RAB7A: variants seen among roughly 807,000 people sequenced by gnomAD.
RAB7A encodes RAB7A, member RAS oncogene family.
Under a neutral mutation model 24.5 loss-of-function variants are expected in RAB7A, and 2 were observed. That is an observed-to-expected ratio of 0.08 (90% CI 0.03 to 0.26). The LOEUF is 0.26. Ranked by LOEUF, RAB7A falls within the 10% of genes least tolerant of loss-of-function variation. RAB7A has a pLI of 1.00. For synonymous variants in RAB7A, 100 were observed against 95.9 expected, an observed-to-expected ratio of 1.04 and a Z score of -0.25; for missense variants, 118 against 255.7, an observed-to-expected ratio of 0.46 and a Z score of 3.67.
At chr3:128,777,594 C>G (rs1933125958) in intron 1 of RAB7A, among the ~76,000 whole-genome samples, 1 of 152,210 alleles carries the variant, frequency 6.6e-6, no homozygotes, top group Non-Finnish European at 1.5e-5. Flanking sequence ...ACTAAACTAT[C>G]ACTAGCAGAT....
intron 1 of RAB7A, chr3:128,764,698 A>G (rs763360556): frequency 1.2e-6 from 1 of 818,504 alleles, no homozygotes; most frequent in Non-Finnish European, 2.1e-6. Flanking sequence ...ATTTTTTTCC[A>G]AATGTGATGC....
intron 1 of RAB7A, chr3:128,764,879 C>T (rs1320322324): frequency 5.9e-6 from 8 of 1,365,584 alleles, no homozygotes; most frequent in Non-Finnish European, 8.3e-6. Context: ...CTCAAAGCCA[C>T]ATCATCGCGG....
intron 1 of RAB7A, among the ~76,000 whole-genome samples, chr3:128,784,583 C>G (rs998271857): frequency 6.6e-6 from 1 of 152,186 alleles, no homozygotes; most frequent in African/African-American, 2.4e-5. Context: ...GTTTTGGGAC[C>G]TTAGTACGGC....
At chr3:128,745,920 C>A (rs1252309433) in intron 1 of RAB7A, among the ~76,000 whole-genome samples, 1 of 152,260 alleles carries the variant, frequency 6.6e-6, no homozygotes, top group Non-Finnish European at 1.5e-5. Context: ...GCTGGTCACA[C>A]AGCAATGTGG....
intron 2 of RAB7A, among the ~76,000 whole-genome samples, chr3:128,796,174 T>C (rs1032969993): frequency 6.6e-6 from 1 of 152,180 alleles, no homozygotes; most frequent in African/African-American, 2.4e-5. Context: ...ACTAACCATG[T>C]AGCTAACTCT....
At chr3:128,809,936 C>CTTTTTTTTTTTTTTTTGTTTT (rs1933887671) in intron 5 of RAB7A, among the ~76,000 whole-genome samples, 1 of 52,216 alleles carries the variant, frequency 1.9e-5, no homozygotes, top group Non-Finnish European at 3.4e-5. Context: ...TTGCCACAGT[C>CTTTTTTTTTTTTTTTTGTTTT]TTTTTTTTTT....
intron 1 of RAB7A, among the ~76,000 whole-genome samples, chr3:128,745,642 C>T (rs567544208): frequency 7.9e-5 from 12 of 152,132 alleles, no homozygotes; most frequent in Non-Finnish European, 1.3e-4. Flanking sequence ...CTGGGATTAC[C>T]GGCCTGAGCC....
At chr3:128,786,823 T>C (rs1933352553) in intron 1 of RAB7A, among the ~76,000 whole-genome samples, 1 of 152,226 alleles carries the variant, frequency 6.6e-6, no homozygotes. Context: ...CAGATTATGC[T>C]GACAGAGTGT....
At chr3:128,764,852 A>G (rs141397096) in intron 1 of RAB7A, 2 of 1,138,594 alleles carry the variant, frequency 1.8e-6, no homozygotes, top group Admixed American at 1.7e-5. Context: ...TGGTGAAGAA[A>G]GTATGTGGCA....
intron 1 of RAB7A, among the ~76,000 whole-genome samples, chr3:128,747,074 A>G (rs79062303): frequency 0.012 from 1,841 of 151,618 alleles, 25 homozygotes; most frequent in Non-Finnish European, 0.02. Flanking sequence ...TGGGAGGCCG[A>G]AGGGCAAAGA....
chr3:128,798,840 A>G, intron 3 of RAB7A: 1 of 259,030 alleles, frequency 3.9e-6, no homozygotes, highest in Non-Finnish European at 7.4e-6. Context: ...AAAAAAAAAA[A>G]AAAAAGAATC....
intron 5 of RAB7A, among the ~76,000 whole-genome samples, chr3:128,812,191 T>G (rs1249461557): frequency 1.3e-5 from 2 of 152,234 alleles, no homozygotes; most frequent in Admixed American, 1.3e-4. Flanking sequence ...CTTGGCTCAC[T>G]GCAACCTTGA....
chr3:128,807,566 C>G lies in RAB7A; in HGVS notation c.423C>G (p.Ala141=), dbSNP rs61758751. The G allele has an allele frequency of 4.2e-3, 6,810 of 1,614,168 alleles. 26 individuals are homozygous for G. Among genetic ancestry groups the G allele is most frequent in the Non-Finnish European group, 5.1e-3 (6,034 of 1,180,036 alleles). Residue 141 remains alanine, a synonymous_variant, in exon 5 of 6, where the codon GCC becomes GCG. Transcript: ENST00000265062. The part of the protein sequence containing the change: ...NRQVATKRAQ[A]WCYSKNNIPY... ...AGGTGGCCACAAAGCGGGCACAGGC[C>G]TGGTGCTACAGCAAAAACAACATTC...
chr3:128,755,966 C>CGTG lies in RAB7A; in HGVS notation c.-9+29607_-9+29608insGTG, dbSNP rs2070726054. ...TAGGGAACTGTAAAAATTTCTCACA[C>CGTG]ATAAAACCCTTTTGGATCTGATAAA... On this transcript the variant is annotated intron_variant, in intron 1 of 5. Coordinates refer to ENST00000265062, the MANE Select transcript of RAB7A (RefSeq NM_004637.6). Among the ~76,000 whole-genome samples the CGTG allele has an allele frequency of 2.6e-5, 4 of 152,050 alleles. No individual in the cohort carries two copies. The South Asian group carries it at 8.3e-4, about 31-fold the overall frequency.
At chr3:128,754,086 A>G (rs1030683778) in intron 1 of RAB7A, among the ~76,000 whole-genome samples, 2 of 152,194 alleles carry the variant, frequency 1.3e-5, no homozygotes, top group East Asian at 1.9e-4. Context: ...ATAAAAGGAC[A>G]TTAGACAGGA....
At chr3:128,809,794 C>T (rs772679518) in intron 5 of RAB7A, among the ~76,000 whole-genome samples, 2 of 151,632 alleles carry the variant, frequency 1.3e-5, no homozygotes, top group Non-Finnish European at 1.5e-5. Context: ...CTGAATAGAC[C>T]GTGGCCTGTG....
rs147938224 is a variant in RAB7A at position 128,814,781 on chromosome 3, T to C, written c.*1359T>C. ...AGAGATGAACGCAATGCCAATAAAA[T>C]TGAACAAGAACAATGATCATCTGCC... On this transcript the variant is annotated 3_prime_UTR_variant, in exon 6 of 6. Transcript: ENST00000265062. 16 of 152,772 alleles carry C rather than the reference T, an allele frequency of 1.0e-4. No individual in the cohort carries two copies. Among genetic ancestry groups the C allele is most frequent in the African/African-American group, 3.8e-4 (16 of 41,580 alleles). 9.5% of individuals were successfully genotyped at this position (152,772 alleles called of 1,614,324 possible). A position where few individuals can be genotyped will look rare whatever the true frequency, so the allele number is the denominator to read the frequency against.
intron 1 of RAB7A, among the ~76,000 whole-genome samples, chr3:128,750,889 C>T (rs896481559): frequency 6.6e-6 from 1 of 152,182 alleles, no homozygotes; most frequent in Non-Finnish European, 1.5e-5. Flanking sequence ...TTTGTGCAAA[C>T]TGGGGACTTG....
rs56027163 is a variant in RAB7A, at chr3:128,737,825, GT to G, written c.-9+11498del. ...CACCACATCTGGCTATTTTTTTGTA[GT>G]TTTTTTTTTTTTTTTTTTTTTTTTT... On this transcript the variant is annotated intron_variant, in intron 1 of 5. Transcript: ENST00000265062. Among the ~76,000 whole-genome samples the G allele has an allele frequency of 7.0e-3, 418 of 59,426 alleles. 6 individuals are homozygous for G. The highest frequency in any genetic ancestry group is 0.012 in the African/African-American group (194 of 15,810). 39.0% of individuals were successfully genotyped at this position (59,426 alleles called of 152,430 possible).
Sources: allele counts gnomAD v4.1 joint callset (sites outside exome capture counted in the v4.1 genomes callset), GRCh38; gene constraint gnomAD v4.1.1; transcripts MANE v1.5; gene names NCBI Gene and HGNC (gene_info 2026-07-23, HGNC 2026-07-21).